The following SMC5 variants were observed in gnomAD, a reference collection of about 807,000 sequenced individuals.
SMC5 encodes the protein structural maintenance of chromosomes protein 5.
Under a neutral mutation model 148.3 loss-of-function variants are expected in SMC5, and 88 were observed. The ratio of observed to expected loss-of-function variants is 0.59; its 90% CI spans 0.50 to 0.71. SMC5 has a LOEUF of 0.71. SMC5 is among the 30% of genes least tolerant of loss of function. The probability of loss-of-function intolerance (pLI) is 0.00; values close to 1 mark genes in which losing one functional copy is unlikely to be tolerated. For synonymous variants in SMC5, 421 were observed against 432.8 expected (o/e 0.97, Z 0.34); for missense variants, 1,142 against 1,298.9 (o/e 0.88, Z 1.86).
At chr9:70,343,822 AAAAT>A (rs763118912) in intron 17 of SMC5, among the ~76,000 whole-genome samples, 10 of 152,258 alleles carry the variant, frequency 6.6e-5, no homozygotes, top group South Asian at 2.1e-4. Context: ...TTGTCTCAAA[AAAAT>A]AAATAAATAA....
At chr9:70,278,682 A>G in intron 5 of SMC5, 57 bp downstream of exon 5, 1 of 1,518,110 alleles carries the variant, frequency 6.6e-7, no homozygotes, top group Admixed American at 2.2e-5. Context: ...GTATCTCAGA[A>G]CATGGGAGAG....
rs146716302 is a variant in SMC5, at chr9:70,278,070, A to G, written c.544-421A>G. ...TTAAATAAAACTTAAACATTTTTAAAAGCTTTTTATTTATTTTAACACTTA... is the reference window on the plus strand; with the variant it reads ...TTAAATAAAACTTAAACATTTTTAAGAGCTTTTTATTTATTTTAACACTTA... On this transcript the variant is annotated intron_variant, in intron 4 of 24. Transcript: ENST00000361138. Among the ~76,000 whole-genome samples the G allele has an allele frequency of 2.2e-3, 334 of 152,222 alleles. 3 individuals carry two copies. Among genetic ancestry groups the G allele is most frequent in the Non-Finnish European group, 2.3e-3 (154 of 67,944 alleles).
chr9:70,301,687 G>C (rs2035361211), intron 10 of SMC5, among the ~76,000 whole-genome samples: 1 of 152,118 alleles, frequency 6.6e-6, no homozygotes, highest in South Asian at 2.1e-4. Context: ...AGCAAAAAAA[G>C]AAAATTTATG....
chr9:70,269,463 C>G (rs961904493), intron 3 of SMC5, among the ~76,000 whole-genome samples: 2 of 152,010 alleles, frequency 1.3e-5, no homozygotes, highest in African/African-American at 4.8e-5. Context: ...ACCTGTAGTC[C>G]TAGCTACTTA....
At chr9:70,336,357 C>T (rs1380160820) in intron 17 of SMC5, among the ~76,000 whole-genome samples, 2 of 152,122 alleles carry the variant, frequency 1.3e-5, no homozygotes, top group Admixed American at 1.3e-4. Flanking sequence ...GGCACAAACA[C>T]ACATAGCCAA....
chr9:70,282,455 G>C lies in SMC5; in HGVS notation c.853G>C (p.Val285Leu). The C allele has an allele frequency of 6.2e-7, 1 of 1,602,618 alleles. No homozygotes were observed. Among genetic ancestry groups the C allele is most frequent in the Non-Finnish European group, 8.5e-7 (1 of 1,176,640 alleles). Residue 285 changes from valine to leucine, a missense_variant, in exon 7 of 25, where the codon GTA becomes CTA. Around this residue, in one of 5 missense-constraint regions of SMC5, gnomAD observed 743 missense variants for 835.7 expected, o/e 0.89. Coordinates refer to ENST00000361138, the MANE Select transcript of SMC5 (RefSeq NM_015110.4). ...YENVRQEYEE[V>L]KLVRDRVKEE... Reference sequence around the variant, plus strand: ...AAATGTTCGTCAGGAATATGAAGAAGTAAAACTAGTTCGTGACCGAGTGAA... The same window carrying C: ...AAATGTTCGTCAGGAATATGAAGAACTAAAACTAGTTCGTGACCGAGTGAA...
intron 24 of SMC5, among the ~76,000 whole-genome samples, chr9:70,351,412 T>A (rs2036801298): frequency 6.6e-6 from 1 of 151,986 alleles, no homozygotes; most frequent in South Asian, 2.1e-4. Context: ...TTAAATAGTG[T>A]CATCTGTCTT....
At chr9:70,350,066 C>T in intron 22 of SMC5, 48 bp from the exon 23 acceptor site, 1 of 1,351,760 alleles carries the variant, frequency 7.4e-7, no homozygotes, top group Non-Finnish European at 1.0e-6. Context: ...AATAGAATGA[C>T]ATTACCAGAG....
chr9:70,337,964 T>C (rs2036407939), intron 17 of SMC5, among the ~76,000 whole-genome samples: 1 of 152,158 alleles, frequency 6.6e-6, no homozygotes, highest in South Asian at 2.1e-4. Flanking sequence ...ACTCGTTATG[T>C]ATTATTTTGA....
In SMC5 at chr9:70,291,052, A is replaced by G. The variant is rs536390003; in HGVS notation, c.1053+4781A>G. On this transcript the variant is annotated intron_variant, in intron 8 of 24. Coordinates refer to ENST00000361138, the MANE Select transcript of SMC5 (RefSeq NM_015110.4). Reference sequence around the variant, plus strand: ...TCTAGCAACTCTGGAAGTCAGTCCCATTCCCCTCCCCAGGGCTTGATGTTG... The same window carrying G: ...TCTAGCAACTCTGGAAGTCAGTCCCGTTCCCCTCCCCAGGGCTTGATGTTG... Among the ~76,000 whole-genome samples the G allele has an allele frequency of 8.1e-4, 124 of 152,262 alleles. 1 individual carries two copies. The highest frequency in any genetic ancestry group is 3.0e-3 in the Admixed American group (46 of 15,300).
intron 20 of SMC5, 120 bp downstream of exon 20, chr9:70,347,281 T>C (rs1241452047): frequency 2.9e-6 from 2 of 679,874 alleles, no homozygotes; most frequent in Non-Finnish European, 4.9e-6. Context: ...CTAGAGCTCT[T>C]GGTAATAATA....
At chr9:70,278,311 G>T (rs757427509) in intron 4 of SMC5, among the ~76,000 whole-genome samples, 180 bp from the exon 5 acceptor site, 1 of 151,760 alleles carries the variant, frequency 6.6e-6, no homozygotes, top group African/African-American at 2.4e-5. Flanking sequence ...GATCAAAAAG[G>T]TAACAGTTTA....
chr9:70,338,732 G>A (rs2036430949), intron 17 of SMC5, among the ~76,000 whole-genome samples: 1 of 151,920 alleles, frequency 6.6e-6, no homozygotes, highest in Non-Finnish European at 1.5e-5. Context: ...TTCATTCTGA[G>A]TCCATTGCTG....
chr9:70,308,666 C>G (rs1454030306), intron 11 of SMC5, among the ~76,000 whole-genome samples: 3 of 150,824 alleles, frequency 2.0e-5, no homozygotes, highest in East Asian at 3.9e-4. Flanking sequence ...CCCACCGTGC[C>G]TCTATTAATG....
In SMC5 at chr9:70,349,227, C is replaced by T. The variant is rs139055927; in HGVS notation, c.2890-887C>T. Among the ~76,000 whole-genome samples the T allele has an allele frequency of 9.0e-3, 1,371 of 152,194 alleles. 10 individuals are homozygous for T. Among genetic ancestry groups the T allele is most frequent in the South Asian group, 0.024 (116 of 4,824 alleles). ...GATTACAGATGCCTGCCACCATGCC[C>T]GGCTAATTTTTGTATTTTTAGTAGA... On this transcript the variant is annotated intron_variant, in intron 22 of 24. Coordinates refer to ENST00000361138, the MANE Select transcript of SMC5 (RefSeq NM_015110.4).
intron 24 of SMC5, among the ~76,000 whole-genome samples, chr9:70,351,450 A>G (rs1279200176): frequency 6.6e-6 from 1 of 152,122 alleles, no homozygotes; most frequent in Admixed American, 6.6e-5. Flanking sequence ...GTCTTGTGGA[A>G]TAGTCACATC....
At chr9:70,312,963 T>C (rs2035698485) in intron 11 of SMC5, among the ~76,000 whole-genome samples, 1 of 151,416 alleles carries the variant, frequency 6.6e-6, no homozygotes, top group Non-Finnish European at 1.5e-5. Flanking sequence ...GTTTCATCCT[T>C]CTGTTTATTG....
intron 8 of SMC5, among the ~76,000 whole-genome samples, chr9:70,292,214 A>C (rs2035081995): frequency 6.6e-6 from 1 of 152,222 alleles, no homozygotes. Context: ...CTATATCTAC[A>C]GAAAAATGTT....
rs142302296 is a variant in SMC5, at chr9:70,321,248, C to T, written c.2151-2235C>T. Among the ~76,000 whole-genome samples, 87 of 152,208 alleles carry T rather than the reference C, an allele frequency of 5.7e-4. 1 individual carries two copies. The East Asian group carries it at 0.012, about 21-fold the overall frequency. On this transcript the variant is annotated intron_variant, in intron 15 of 24. Transcript: ENST00000361138. Reference sequence around the variant, plus strand: ...AAGGAGGAGGTTATATTGAGTTTCACAGAATAGATTGGGCACCTGAGGGTT... The same window carrying T: ...AAGGAGGAGGTTATATTGAGTTTCATAGAATAGATTGGGCACCTGAGGGTT...
Sources: gnomAD v4.1 joint callset for allele counts (sites outside exome capture counted in the v4.1 genomes callset) on GRCh38, gnomAD v4.1.1 for gene constraint, gnomAD v4.1.1 regional missense constraint, MANE v1.5 for transcripts, NCBI Gene and HGNC (gene_info 2026-07-23, HGNC 2026-07-21) for gene names.